SDHC: variants seen among roughly 807,000 people sequenced by gnomAD.
SDHC encodes succinate dehydrogenase cytochrome b560 subunit, mitochondrial.
In SDHC, 11 loss-of-function variants were observed where a neutral mutation model predicts 22.6. That is an observed-to-expected ratio of 0.49 (90% CI 0.31 to 0.81). The LOEUF is 0.81. Among genes scored for constraint, SDHC ranks in the 30% least tolerant of loss-of-function variants. SDHC has a pLI of 0.05. For missense variants in SDHC, 160 were observed against 212.0 expected (o/e 0.75, Z 1.52); for synonymous variants, 80 against 77.8 (o/e 1.03, Z -0.15).
At chr1:161,354,092 C>G (rs896578102) in intron 4 of SDHC, among the ~76,000 whole-genome samples, 1 of 151,990 alleles carries the variant, frequency 6.6e-6, no homozygotes, top group African/African-American at 2.4e-5. Context: ...CCCGAGTAAT[C>G]CTCCCACCTC....
intron 5 of SDHC, 91 bp downstream of exon 5, chr1:161,356,931 T>A: frequency 7.4e-7 from 1 of 1,352,278 alleles, no homozygotes; most frequent in Non-Finnish European, 1.0e-6. Flanking sequence ...TTAGTGCTGT[T>A]CTTTTTTTTT....
intron 3 of SDHC, among the ~76,000 whole-genome samples, chr1:161,332,338 G>C (rs926950100): frequency 1.3e-5 from 2 of 152,002 alleles, no homozygotes; most frequent in African/African-American, 2.4e-5. Context: ...ACTATAAAGA[G>C]CAAAAAGAAA....
intron 4 of SDHC, among the ~76,000 whole-genome samples, chr1:161,353,936 C>CT (rs1412520033): frequency 6.6e-6 from 1 of 152,208 alleles, no homozygotes; most frequent in Non-Finnish European, 1.5e-5. Flanking sequence ...AGATCTCACT[C>CT]TGTTACCTGG....
chr1:161,340,537 C>G, intron 3 of SDHC, 57 bp from the exon 4 acceptor site: 1 of 1,457,142 alleles, frequency 6.9e-7, no homozygotes, highest in Non-Finnish European at 9.6e-7. Flanking sequence ...AAGATAGACT[C>G]TCTACTATGG....
intron 4 of SDHC, among the ~76,000 whole-genome samples, chr1:161,349,641 ATGAC>A (rs1329320071): frequency 6.6e-6 from 1 of 152,180 alleles, no homozygotes; most frequent in Non-Finnish European, 1.5e-5. Flanking sequence ...GGCTTTGAAA[ATGAC>A]TGTGTTTTTC....
intron 4 of SDHC, among the ~76,000 whole-genome samples, chr1:161,342,922 C>T (rs1044722191): frequency 5.3e-5 from 8 of 152,138 alleles, no homozygotes; most frequent in African/African-American, 1.9e-4. Flanking sequence ...TGTCTGAGCC[C>T]CTCCATCGCG....
At chr1:161,318,321 T>C (rs1670704222) in intron 1 of SDHC, among the ~76,000 whole-genome samples, 1 of 152,198 alleles carries the variant, frequency 6.6e-6, no homozygotes, top group Non-Finnish European at 1.5e-5. Context: ...TAAGAATTAT[T>C]AGTTATCAGA....
chr1:161,314,909 C>T, intron 1 of SDHC: 1 of 166,324 alleles, frequency 6.0e-6, no homozygotes, highest in South Asian at 1.3e-4. Flanking sequence ...CAGCGGGCTG[C>T]TGGCAAAGGG....
At chr1:161,341,471 T>G (rs538739967) in intron 4 of SDHC, among the ~76,000 whole-genome samples, 1 of 152,334 alleles carries the variant, frequency 6.6e-6, no homozygotes, top group South Asian at 2.1e-4. Flanking sequence ...ACATCCTTTT[T>G]AGGTAGGAAG....
chr1:161,325,909 CAG>C (rs1671029246), intron 2 of SDHC, among the ~76,000 whole-genome samples: 1 of 151,942 alleles, frequency 6.6e-6, no homozygotes, highest in Non-Finnish European at 1.5e-5. Context: ...GTTTAGAAAG[CAG>C]AGTTATCGGC....
At chr1:161,319,383 G>A (rs1670754624) in intron 1 of SDHC, among the ~76,000 whole-genome samples, 1 of 151,102 alleles carries the variant, frequency 6.6e-6, no homozygotes, top group African/African-American at 2.4e-5. Context: ...GAGCAAGGCA[G>A]ATATAGCAAG....
chr1:161,345,854 G>A (rs1671875878), intron 4 of SDHC, among the ~76,000 whole-genome samples: 2 of 141,756 alleles, frequency 1.4e-5, no homozygotes, highest in African/African-American at 5.3e-5. Flanking sequence ...TGCCCAGGCT[G>A]GAGTGCAGTG....
At chr1:161,355,836 T>G (rs1001672322) in intron 4 of SDHC, among the ~76,000 whole-genome samples, 1 of 151,588 alleles carries the variant, frequency 6.6e-6, no homozygotes, top group Non-Finnish European at 1.5e-5. Flanking sequence ...ATGCAAAAAT[T>G]AGCGAGGCAT....
At chr1:161,346,209 CT>C (rs1222084070) in intron 4 of SDHC, among the ~76,000 whole-genome samples, 1 of 152,076 alleles carries the variant, frequency 6.6e-6, no homozygotes, top group Non-Finnish European at 1.5e-5. Context: ...CTTAGAAAAT[CT>C]TTATTTACTA....
chr1:161,323,702 A>AT lies in SDHC; in HGVS notation c.77+43dup, dbSNP rs368411074. The AT allele has an allele frequency of 0.023, 28,031 of 1,239,614 alleles. 1 individual carries two copies. Among genetic ancestry groups the AT allele is most frequent in the Non-Finnish European group, 0.025 (22,876 of 898,298 alleles). The allele number at this position is 1,239,614 out of a possible 1,614,324, so 76.8% of individuals were successfully genotyped here. ...TTCTAAGTCTGGAGATTATTTATTT[A>AT]TTTTTTTTTTTGAGACGGAGTCTCG... On this transcript the variant is annotated intron_variant, in intron 2 of 5. Coordinates refer to ENST00000367975, the MANE Select transcript of SDHC (RefSeq NM_003001.5).
At chr1:161,331,699 G>A (rs950948727) in intron 3 of SDHC, among the ~76,000 whole-genome samples, 2 of 150,948 alleles carry the variant, frequency 1.3e-5, no homozygotes, top group East Asian at 1.9e-4. Flanking sequence ...TGGTTCACGC[G>A]GTTCTCCTGC....
intron 4 of SDHC, among the ~76,000 whole-genome samples, chr1:161,349,949 C>A (rs1006309618): frequency 2.0e-5 from 3 of 152,116 alleles, no homozygotes; most frequent in Admixed American, 2.0e-4. Context: ...TCGCTCTTGT[C>A]TCCCAGGCTG....
At chr1:161,325,382 C>G (rs996931869) in intron 2 of SDHC, among the ~76,000 whole-genome samples, 4 of 151,436 alleles carry the variant, frequency 2.6e-5, no homozygotes, top group Admixed American at 2.0e-4. Flanking sequence ...AAACAGCTAT[C>G]CTCAACAATT....
intron 1 of SDHC, among the ~76,000 whole-genome samples, chr1:161,316,855 T>C (rs1354615115): frequency 1.3e-5 from 2 of 152,188 alleles, no homozygotes; most frequent in Non-Finnish European, 1.5e-5. Context: ...AGGAGCTGAT[T>C]TCTGGTTCTA....
Sources: gnomAD v4.1 joint callset for allele counts (sites outside exome capture counted in the v4.1 genomes callset) on GRCh38, gnomAD v4.1.1 for gene constraint, MANE v1.5 for transcripts, NCBI Gene and HGNC (gene_info 2026-07-23, HGNC 2026-07-21) for gene names.